The following RPH3A variants were observed in gnomAD, a reference collection of about 807,000 sequenced individuals.
The protein encoded by RPH3A is rabphilin-3A.
RPH3A carries 48 observed loss-of-function variants against 102.2 expected under a neutral mutation model. The observed-to-expected ratio is 0.47, with a 90% CI of 0.37 to 0.60. The LOEUF is 0.60. Among genes scored for constraint, RPH3A ranks in the 20% least tolerant of loss-of-function variants. The pLI is 0.00. For synonymous variants in RPH3A, 310 were observed against 324.3 expected, an observed-to-expected ratio of 0.96 and a Z score of 0.47; for missense variants, 781 against 910.1, an observed-to-expected ratio of 0.86 and a Z score of 1.83.
intron 1 of RPH3A, among the ~76,000 whole-genome samples, chr12:112,692,921 C>T (rs768625462): frequency 5.9e-5 from 9 of 152,130 alleles, no homozygotes; most frequent in South Asian, 4.1e-4. Context: ...GCTCCTGCCC[C>T]CGATGCTGAT....
intron 7 of RPH3A, among the ~76,000 whole-genome samples, chr12:112,867,732 T>A (rs2042636368): frequency 6.6e-6 from 1 of 152,176 alleles, no homozygotes. Flanking sequence ...AGGAAATAAA[T>A]ACCGTAGTCC....
chr12:112,776,896 A>G, intron 1 of RPH3A, among the ~76,000 whole-genome samples: 1 of 149,508 alleles, frequency 6.7e-6, no homozygotes, highest in Non-Finnish European at 1.5e-5. Flanking sequence ...AAAAAAAAAA[A>G]AAAAAAAAAA....
intron 1 of RPH3A, among the ~76,000 whole-genome samples, chr12:112,767,855 C>A (rs1418904873): frequency 6.6e-6 from 1 of 152,132 alleles, no homozygotes; most frequent in African/African-American, 2.4e-5. Context: ...GTGAAAGAAA[C>A]CTGCTGCAAA....
At chr12:112,801,838 C>T (rs920934084) in intron 2 of RPH3A, among the ~76,000 whole-genome samples, 16 of 152,066 alleles carry the variant, frequency 1.1e-4, no homozygotes, top group Admixed American at 5.2e-4. Context: ...TCTGTTTATG[C>T]GTATTTCTAT....
chr12:112,654,812 G>C (rs1027494835), intron 1 of RPH3A, among the ~76,000 whole-genome samples: 2 of 152,138 alleles, frequency 1.3e-5, no homozygotes, highest in African/African-American at 4.8e-5. Context: ...AGTTCAAGGA[G>C]GTGGTGTTCA....
At chr12:112,763,391 T>G (rs2040867404) in intron 1 of RPH3A, among the ~76,000 whole-genome samples, 1 of 152,222 alleles carries the variant, frequency 6.6e-6, no homozygotes, top group Non-Finnish European at 1.5e-5. Context: ...GGCTACAACT[T>G]GGCTTTATAC....
chr12:112,773,145 A>AATAT (rs202087966), intron 1 of RPH3A, among the ~76,000 whole-genome samples: 1 of 151,784 alleles, frequency 6.6e-6, no homozygotes, highest in Non-Finnish European at 1.5e-5. Context: ...TGTGTATATA[A>AATAT]ATATATATAT....
rs140115309 is a variant in RPH3A at position 112,890,972 on chromosome 12, G to A, written c.1744G>A (p.Ala582Thr). 113 of 1,614,112 alleles carry A rather than the reference G, an allele frequency of 7.0e-5. No individual in the cohort carries two copies. The highest frequency in any genetic ancestry group is 1.6e-4 in the Middle Eastern group (1 of 6,062). The change falls in exon 19 of 22, where the codon GCT becomes ACT. Residue 582 changes from alanine to threonine, a missense_variant. Physicochemically the swap from Ala to Thr is moderately conservative, Grantham distance 58. This residue lies in a region of RPH3A where 730 missense variants were observed against 810.0 expected (regional missense o/e 0.90). Coordinates refer to ENST00000389385, the MANE Select transcript of RPH3A (RefSeq NM_001143854.2). Reference sequence around the variant, plus strand: ...CTGCGTGCACCTGGCTGCCATGGACGCTAATGGCTACTCAGACCCATTCGT... The same window carrying A: ...CTGCGTGCACCTGGCTGCCATGGACACTAATGGCTACTCAGACCCATTCGT... ...IRCVHLAAMD[A>T]NGYSDPFVKL...
At chr12:112,684,431 G>T (rs2040248804) in intron 1 of RPH3A, among the ~76,000 whole-genome samples, 1 of 150,998 alleles carries the variant, frequency 6.6e-6, no homozygotes, top group Non-Finnish European at 1.5e-5. Flanking sequence ...GCCAATTTTT[G>T]TTTTCTTTTT....
intron 1 of RPH3A, among the ~76,000 whole-genome samples, chr12:112,702,079 G>T (rs2040398472): frequency 6.6e-6 from 1 of 152,228 alleles, no homozygotes; most frequent in Non-Finnish European, 1.5e-5. Flanking sequence ...TAAGCTGCCT[G>T]TATGTCTGGA....
At chr12:112,775,438 G>A (rs1342502597) in intron 1 of RPH3A, among the ~76,000 whole-genome samples, 3 of 152,170 alleles carry the variant, frequency 2.0e-5, no homozygotes, top group African/African-American at 2.4e-5. Context: ...GATATAGAAA[G>A]ACAGTGCTAG....
At chr12:112,671,301 A>G (rs572947287) in intron 1 of RPH3A, among the ~76,000 whole-genome samples, 1 of 152,234 alleles carries the variant, frequency 6.6e-6, no homozygotes, top group East Asian at 1.9e-4. Context: ...TAGCGTGGTA[A>G]TTTCCCAATC....
At position 112,796,843 on chromosome 12, in the gene RPH3A, A is replaced by C. The variant is rs111828619; in HGVS notation, c.-19+4580A>C. Among the ~76,000 whole-genome samples the C allele has an allele frequency of 5.0e-4, 76 of 152,304 alleles. 2 individuals carry two copies. Among genetic ancestry groups the C allele is most frequent in the African/African-American group, 1.8e-3 (76 of 41,560 alleles). ...GGTGGGTGGATTACTTGAGGTCAGGAGTTCAAGACCAGCCTGGTCAACATG... is the reference window on the plus strand; with the variant it reads ...GGTGGGTGGATTACTTGAGGTCAGGCGTTCAAGACCAGCCTGGTCAACATG... On this transcript the variant is annotated intron_variant, in intron 2 of 21. Coordinates refer to ENST00000389385, the MANE Select transcript of RPH3A (RefSeq NM_001143854.2).
intron 1 of RPH3A, among the ~76,000 whole-genome samples, chr12:112,750,772 A>G (rs188354479): frequency 2.0e-4 from 30 of 152,308 alleles, no homozygotes; most frequent in Admixed American, 1.6e-3. Flanking sequence ...ACTAATTGTT[A>G]TAATTCTACC....
At chr12:112,635,718 A>G (rs957020375) in intron 1 of RPH3A, among the ~76,000 whole-genome samples, 1 of 152,096 alleles carries the variant, frequency 6.6e-6, no homozygotes, top group African/African-American at 2.4e-5. Context: ...GAGGGGAGTA[A>G]ATGTAAGGAG....
At chr12:112,739,951 C>A (rs945777964) in intron 1 of RPH3A, among the ~76,000 whole-genome samples, 8 of 148,932 alleles carry the variant, frequency 5.4e-5, no homozygotes, top group African/African-American at 1.5e-4. Flanking sequence ...CATCCCCCCC[C>A]AGCCTTGGGT....
intron 1 of RPH3A, among the ~76,000 whole-genome samples, chr12:112,576,909 C>CTTTTTTTTTTTTTTTTTTTTTTTT (rs3036138): frequency 8.7e-6 from 1 of 114,620 alleles, no homozygotes; most frequent in Non-Finnish European, 1.7e-5. Flanking sequence ...TCTTTTCTTC[C>CTTTTTTTTTTTTTTTTTTTTTTTT]TTTTTTTTTT....
chr12:112,660,545 T>A (rs371217304), intron 1 of RPH3A, among the ~76,000 whole-genome samples: 3 of 152,076 alleles, frequency 2.0e-5, no homozygotes, highest in African/African-American at 2.4e-5. Context: ...TTTGGTTGGG[T>A]GTGGTGGTTC....
chr12:112,609,702 C>A (rs1253165715), intron 1 of RPH3A, among the ~76,000 whole-genome samples: 1 of 152,166 alleles, frequency 6.6e-6, no homozygotes. Flanking sequence ...CAGCACCTGT[C>A]AACATGCATG....
Sources: gnomAD v4.1 joint callset for allele counts (sites outside exome capture counted in the v4.1 genomes callset) on GRCh38, gnomAD v4.1.1 for gene constraint, gnomAD v4.1.1 regional missense constraint, MANE v1.5 for transcripts, NCBI Gene and HGNC (gene_info 2026-07-23, HGNC 2026-07-21) for gene names.